The following SCAPER variants were observed in gnomAD, a reference collection of about 807,000 sequenced individuals.
The protein encoded by SCAPER is S-phase cyclin A associated protein in the ER, also known as S phase cyclin A-associated protein in the endoplasmic reticulum.
SCAPER carries 98 observed loss-of-function variants against 182.2 expected under a neutral mutation model. The observed-to-expected ratio is 0.54, with a 90% CI of 0.46 to 0.64. The LOEUF (loss-of-function observed/expected upper bound fraction) is 0.64. Among genes scored for constraint, SCAPER ranks in the 30% least tolerant of loss-of-function variants. SCAPER has a pLI of 0.00. For missense variants in SCAPER, 1,432 were observed against 1,690.0 expected, an observed-to-expected ratio of 0.85 and a Z score of 2.68; for synonymous variants, 605 against 564.6, an observed-to-expected ratio of 1.07 and a Z score of -1.01.
At chr15:76,856,238 AG>A (rs2071354866) in intron 4 of SCAPER, among the ~76,000 whole-genome samples, 1 of 151,988 alleles carries the variant, frequency 6.6e-6, no homozygotes, top group African/African-American at 2.4e-5. Context: ...AACACAAAGA[AG>A]GGAACAACAA....
intron 26 of SCAPER, among the ~76,000 whole-genome samples, chr15:76,432,483 C>T (rs947030233): frequency 6.6e-6 from 1 of 152,194 alleles, no homozygotes; most frequent in Non-Finnish European, 1.5e-5. Context: ...GAAGCAAATA[C>T]AGAGGAGTGC....
At chr15:76,524,689 GTTTTTTTTTTT>G (rs35944222) in intron 23 of SCAPER, among the ~76,000 whole-genome samples, 151 of 50,118 alleles carry the variant, frequency 3.0e-3, no homozygotes, top group African/African-American at 0.011. Context: ...TTTTTGTTCT[GTTTTTTTTTTT>G]TTTTTTTTTT....
At chr15:76,709,071 A>G (rs2150851513) in intron 17 of SCAPER, among the ~76,000 whole-genome samples, 1 of 152,168 alleles carries the variant, frequency 6.6e-6, no homozygotes, top group East Asian at 1.9e-4. Flanking sequence ...AAAAAGAGTG[A>G]AGGAGAGATA....
intron 25 of SCAPER, among the ~76,000 whole-genome samples, chr15:76,448,265 A>G (rs759967269): frequency 1.3e-5 from 2 of 152,220 alleles, no homozygotes; most frequent in Non-Finnish European, 2.9e-5. Flanking sequence ...GGTTACAATT[A>G]ACAGCAGGGA....
intron 5 of SCAPER, among the ~76,000 whole-genome samples, chr15:76,811,308 G>C (rs530260556): frequency 1.1e-4 from 17 of 152,002 alleles, no homozygotes; most frequent in Non-Finnish European, 1.9e-4. Flanking sequence ...AACCGCAATT[G>C]AATGAAACTA....
chr15:76,579,095 C>G (rs1219962049), intron 22 of SCAPER, among the ~76,000 whole-genome samples: 1 of 112,494 alleles, frequency 8.9e-6, no homozygotes, highest in African/African-American at 2.7e-5. Context: ...TGAAACCCTG[C>G]CTTGACTAAA....
Position 76,536,598 on chromosome 15 carries a change from C to T in SCAPER, c.2839-31624G>A, listed in dbSNP as rs531062713. 2.0e-5 allele frequency among the ~76,000 whole-genome samples: 3 copies of T among 152,278 alleles called. No homozygotes were observed. The South Asian group carries it at 6.2e-4, about 32-fold the overall frequency. ...TTTCCAGCTTTAAAATGCAAACCCA[C>T]AGCCAATATCATACTGAATGGGCAA... On this transcript the variant is annotated intron_variant, in intron 23 of 31. Transcript: ENST00000563290.
Position 76,461,330 on chromosome 15 carries a change from C to CTTT in SCAPER, c.3078+9879_3078+9881dup, listed in dbSNP as rs58709477. 1.8e-4 allele frequency among the ~76,000 whole-genome samples: 26 copies of CTTT among 143,226 alleles called. 1 individual carries two copies. Among genetic ancestry groups the CTTT allele is most frequent in the African/African-American group, 6.7e-4 (26 of 38,692 alleles). 94.0% of individuals were successfully genotyped at this position (143,226 alleles called of 152,430 possible). On this transcript the variant is annotated intron_variant, in intron 25 of 31. Coordinates refer to ENST00000563290, the MANE Select transcript of SCAPER (RefSeq NM_020843.4). ...TCACTGTGAAGTTACTATTACCCAA[C>CTTT]TTTTTTTTTTTTTTTACAAAAAAGA...
intron 23 of SCAPER, among the ~76,000 whole-genome samples, chr15:76,544,061 C>T (rs1415783741): frequency 6.6e-6 from 1 of 151,872 alleles, no homozygotes; most frequent in African/African-American, 2.4e-5. Context: ...ACATAAATGG[C>T]TGAAATGTAT....
At chr15:76,488,354 T>C (rs1355491151) in intron 24 of SCAPER, among the ~76,000 whole-genome samples, 1 of 152,172 alleles carries the variant, frequency 6.6e-6, no homozygotes, top group Non-Finnish European at 1.5e-5. Flanking sequence ...TTATGTTATA[T>C]TACAATACAT....
chr15:76,669,277 T>C (rs1486014699), intron 20 of SCAPER, among the ~76,000 whole-genome samples: 1 of 152,142 alleles, frequency 6.6e-6, no homozygotes, highest in Non-Finnish European at 1.5e-5. Context: ...TCTCTCACTG[T>C]AGAATATTTT....
At chr15:76,898,043 G>A (rs972669451) in intron 1 of SCAPER, among the ~76,000 whole-genome samples, 2 of 152,116 alleles carry the variant, frequency 1.3e-5, no homozygotes, top group Non-Finnish European at 2.9e-5. Context: ...CAACCAAGAG[G>A]AAGAATAAGA....
intron 4 of SCAPER, among the ~76,000 whole-genome samples, chr15:76,849,766 C>T (rs2070519916): frequency 6.6e-6 from 1 of 152,192 alleles, no homozygotes; most frequent in Admixed American, 6.5e-5. Flanking sequence ...CGTTCTCACG[C>T]TGCTATGAAG....
chr15:76,656,950 A>C (rs528656132), intron 21 of SCAPER, among the ~76,000 whole-genome samples: 1 of 152,334 alleles, frequency 6.6e-6, no homozygotes, highest in East Asian at 1.9e-4. Flanking sequence ...AATCTTAGAA[A>C]GATCTCAAAT....
intron 25 of SCAPER, among the ~76,000 whole-genome samples, chr15:76,459,329 T>C (rs1171347735): frequency 1.3e-5 from 2 of 152,184 alleles, no homozygotes; most frequent in African/African-American, 4.8e-5. Context: ...TTCTTTTCTA[T>C]GGCTAAGTAG....
chr15:76,738,997 T>C (rs1313416211), intron 15 of SCAPER, among the ~76,000 whole-genome samples: 1 of 152,184 alleles, frequency 6.6e-6, no homozygotes, highest in Non-Finnish European at 1.5e-5. Context: ...AAACAATGCA[T>C]GCCTGTACAG....
At chr15:76,537,427 A>C (rs1160793782) in intron 23 of SCAPER, among the ~76,000 whole-genome samples, 1 of 152,222 alleles carries the variant, frequency 6.6e-6, no homozygotes, top group Non-Finnish European at 1.5e-5. Context: ...ATCTACAACT[A>C]TCTGATCTTT....
At chr15:76,370,004 G>C (rs1012914610) in intron 29 of SCAPER, among the ~76,000 whole-genome samples, 10 of 152,182 alleles carry the variant, frequency 6.6e-5, no homozygotes, top group Non-Finnish European at 1.3e-4. Flanking sequence ...TAATAGTGAG[G>C]AGCCAAAGTA....
At chr15:76,541,540 A>G (rs771480965) in intron 23 of SCAPER, among the ~76,000 whole-genome samples, 3 of 152,200 alleles carry the variant, frequency 2.0e-5, no homozygotes, top group Non-Finnish European at 4.4e-5. Context: ...CCACCCAAAG[A>G]CATGTAAGAT....
Sources: gnomAD v4.1 joint callset for allele counts (sites outside exome capture counted in the v4.1 genomes callset) on GRCh38, gnomAD v4.1.1 for gene constraint, MANE v1.5 for transcripts, NCBI Gene and HGNC (gene_info 2026-07-23, HGNC 2026-07-21) for gene names.